Variants in SPATA6 observed in about 807,000 individuals in gnomAD.
The protein encoded by SPATA6 is spermatogenesis associated 6.
SPATA6 carries 56 observed loss-of-function variants against 65.3 expected under a neutral mutation model. The observed-to-expected ratio is 0.86, with a 90% CI of 0.69 to 1.07. The LOEUF is 1.07. Among genes scored for constraint, SPATA6 ranks in the 50% least tolerant of loss-of-function variants. The pLI, the probability that SPATA6 is intolerant of heterozygous loss-of-function variation, is 0.00. For synonymous variants in SPATA6, 199 were observed against 213.2 expected, an observed-to-expected ratio of 0.93 and a Z score of 0.58; for missense variants, 590 against 594.8, an observed-to-expected ratio of 0.99 and a Z score of 0.08.
chr1:48,465,082 C>A (rs1657717212), intron 1 of SPATA6, among the ~76,000 whole-genome samples: 1 of 152,000 alleles, frequency 6.6e-6, no homozygotes, highest in South Asian at 2.1e-4. Context: ...TTGAAAATTC[C>A]ATTACACATA....
intron 8 of SPATA6, among the ~76,000 whole-genome samples, chr1:48,391,036 T>C (rs1038124244): frequency 1.3e-5 from 2 of 151,982 alleles, no homozygotes; most frequent in Non-Finnish European, 2.9e-5. Flanking sequence ...AAGTCTAATA[T>C]ATAGCATGAT....
intron 11 of SPATA6, among the ~76,000 whole-genome samples, chr1:48,314,169 C>T (rs1438554578): frequency 2.0e-5 from 3 of 152,192 alleles, no homozygotes; most frequent in Non-Finnish European, 4.4e-5. Context: ...AGGAATTGAA[C>T]TCAGCTCTGC....
intron 11 of SPATA6, among the ~76,000 whole-genome samples, chr1:48,342,500 C>T (rs1217572982): frequency 6.6e-6 from 1 of 151,710 alleles, no homozygotes; most frequent in Non-Finnish European, 1.5e-5. Context: ...CCTGTAGTCC[C>T]AGCTACTGGG....
intron 3 of SPATA6, among the ~76,000 whole-genome samples, chr1:48,450,022 C>A (rs1656417058): frequency 6.6e-6 from 1 of 151,918 alleles, no homozygotes; most frequent in African/African-American, 2.4e-5. Flanking sequence ...GTATTATAAA[C>A]TCGCTCATTT....
At chr1:48,289,271 G>C in the SPATA6 span, among the ~76,000 whole-genome samples, 1 of 152,248 alleles carries the variant, frequency 6.6e-6, no homozygotes, top group African/African-American at 2.4e-5. Flanking sequence ...CAACAGACCT[G>C]CAGCTGAGGG....
intron 6 of SPATA6, among the ~76,000 whole-genome samples, chr1:48,400,530 C>T (rs890368641): frequency 9.2e-5 from 14 of 151,880 alleles, no homozygotes; most frequent in Admixed American, 2.6e-4. Context: ...AAATGGACTG[C>T]GGAGAATTTT....
chr1:48,451,449 A>C (rs1439520371), intron 3 of SPATA6, 103 bp downstream of exon 3: 108 of 995,584 alleles, frequency 1.1e-4, no homozygotes, highest in Middle Eastern at 4.3e-4. Flanking sequence ...TTAAAGTTCT[A>C]CTAACCCCTT....
chr1:48,284,858 T>A, the SPATA6 span, among the ~76,000 whole-genome samples: 13 of 152,212 alleles, frequency 8.5e-5, no homozygotes, highest in East Asian at 2.3e-3. Flanking sequence ...CTGTATGAGG[T>A]GTCTGTCGAC....
Position 48,325,468 on chromosome 1 carries a change from A to C in SPATA6, c.1195-19590T>G, listed in dbSNP as rs1217433995. The C allele has an allele frequency of 9.1e-6, 11 of 1,203,882 alleles. No homozygotes were observed. In the East Asian group the frequency reaches 9.4e-5, roughly 10 times the overall value. The allele number at this position is 1,203,882 out of a possible 1,614,324, so 74.6% of individuals were successfully genotyped here. ...GTTTGCACTATGTTCCTGAATCGAC[A>C]AACTGAGGGATCCACATTCTCTGAG... On this transcript the variant is annotated intron_variant, in intron 11 of 12. Transcript: ENST00000371847.
intron 11 of SPATA6, among the ~76,000 whole-genome samples, chr1:48,307,726 T>C (rs936044337): frequency 6.6e-6 from 1 of 151,842 alleles, no homozygotes; most frequent in Admixed American, 6.6e-5. Context: ...TATCTATTTC[T>C]TCTTTCTATT....
chr1:48,465,062 T>C (rs910377139), intron 1 of SPATA6, among the ~76,000 whole-genome samples: 3 of 152,162 alleles, frequency 2.0e-5, no homozygotes, highest in Admixed American at 6.5e-5. Flanking sequence ...AAACTTCAAC[T>C]AGACGATCTT....
At chr1:48,292,422 G>A (rs192988352), downstream of SPATA6, among the ~76,000 whole-genome samples, 2 of 152,338 alleles carry the variant, frequency 1.3e-5, no homozygotes, top group African/African-American at 2.4e-5. Context: ...GGGCTGCTGG[G>A]GTCCTTAGTG....
At chr1:48,390,909 T>C (rs1649991136) in intron 8 of SPATA6, among the ~76,000 whole-genome samples, 1 of 152,190 alleles carries the variant, frequency 6.6e-6, no homozygotes, top group Non-Finnish European at 1.5e-5. Context: ...TCAGCTGAAA[T>C]ATTAATACAT....
chr1:48,470,211 G>T (rs1030707911), intron 1 of SPATA6, among the ~76,000 whole-genome samples: 2 of 152,168 alleles, frequency 1.3e-5, no homozygotes, highest in African/African-American at 4.8e-5. Context: ...GCAGTAATCA[G>T]TTACAACAGA....
intron 1 of SPATA6, 61 bp downstream of exon 1, chr1:48,471,897 G>GA: frequency 6.3e-7 from 1 of 1,588,376 alleles, no homozygotes; most frequent in African/African-American, 1.3e-5. Flanking sequence ...CGGGCTCTCG[G>GA]AGGTGACTGA....
chr1:48,274,855 G>A, the SPATA6 span, among the ~76,000 whole-genome samples: 2 of 152,156 alleles, frequency 1.3e-5, no homozygotes, highest in Non-Finnish European at 2.9e-5. Context: ...ATTTAAAGTA[G>A]TTTTTTCTAA....
At chr1:48,289,107 CT>C in the SPATA6 span, among the ~76,000 whole-genome samples, 1 of 152,250 alleles carries the variant, frequency 6.6e-6, no homozygotes, top group Non-Finnish European at 1.5e-5. Context: ...TAGGGGCTGA[CT>C]GACACCTCAT....
the SPATA6 span, among the ~76,000 whole-genome samples, chr1:48,277,943 G>A: frequency 6.6e-6 from 1 of 152,182 alleles, no homozygotes; most frequent in Admixed American, 6.5e-5. Context: ...AGTAGGGGCG[G>A]ACTGACACCT....
the SPATA6 span, among the ~76,000 whole-genome samples, chr1:48,263,524 C>G: frequency 6.6e-6 from 1 of 152,108 alleles, no homozygotes; most frequent in Non-Finnish European, 1.5e-5. Flanking sequence ...CTTCATTAAC[C>G]CTTGTTTCCA....
Sources: allele counts gnomAD v4.1 joint callset (sites outside exome capture counted in the v4.1 genomes callset), GRCh38; gene constraint gnomAD v4.1.1; transcripts MANE v1.5; gene names NCBI Gene and HGNC (gene_info 2026-07-23, HGNC 2026-07-21).